The following ANO10 variants were observed in gnomAD, a reference collection of about 807,000 sequenced individuals.
ANO10 encodes anoctamin 10, also known as anoctamin-10.
Under a neutral mutation model 74.7 loss-of-function variants are expected in ANO10, and 77 were observed. The ratio of observed to expected loss-of-function variants is 1.03; its 90% confidence interval spans 0.86 to 1.25. The LOEUF (loss-of-function observed/expected upper bound fraction) is 1.25, where lower values mean the gene tolerates loss of function less well. Among genes scored for constraint, ANO10 ranks in the 50% most tolerant of loss-of-function variants. The pLI is 0.00. For missense variants in ANO10, 721 were observed against 778.1 expected, an observed-to-expected ratio of 0.93 and a Z score of 0.87; for synonymous variants, 279 against 284.9, an observed-to-expected ratio of 0.98 and a Z score of 0.21.
intron 12 of ANO10, among the ~76,000 whole-genome samples, chr3:43,389,971 G>A (rs1249016626): frequency 6.6e-6 from 1 of 152,184 alleles, no homozygotes; most frequent in Non-Finnish European, 1.5e-5. Flanking sequence ...GACTCAATGA[G>A]AGGACAACTC....
chr3:43,621,426 G>C (rs535103068), intron 1 of ANO10, among the ~76,000 whole-genome samples: 1 of 152,156 alleles, frequency 6.6e-6, no homozygotes, highest in South Asian at 2.1e-4. Flanking sequence ...AGACAGCCTA[G>C]TCCGCCCTGA....
chr3:43,538,314 C>A (rs1485767293), intron 11 of ANO10, among the ~76,000 whole-genome samples: 1 of 151,962 alleles, frequency 6.6e-6, no homozygotes, highest in Non-Finnish European at 1.5e-5. Context: ...AGCATTTTAA[C>A]TGAGGAAAAA....
intron 11 of ANO10, among the ~76,000 whole-genome samples, chr3:43,547,742 C>T (rs1172469897): frequency 6.6e-6 from 1 of 152,114 alleles, no homozygotes; most frequent in African/African-American, 2.4e-5. Flanking sequence ...ATTTATAGGC[C>T]AGTAAGTCTC....
At chr3:43,450,538 T>C (rs1406129058) in intron 11 of ANO10, among the ~76,000 whole-genome samples, 1 of 152,028 alleles carries the variant, frequency 6.6e-6, no homozygotes, top group Non-Finnish European at 1.5e-5. Context: ...TGAAATTCCA[T>C]CTCAAAAAAA....
intron 12 of ANO10, among the ~76,000 whole-genome samples, chr3:43,398,870 C>T (rs2092429758): frequency 1.3e-5 from 2 of 152,286 alleles, no homozygotes; most frequent in African/African-American, 2.4e-5. Context: ...ACTCTGCCAC[C>T]CAGGCTGGAG....
intron 11 of ANO10, among the ~76,000 whole-genome samples, chr3:43,454,739 C>T (rs1201931463): frequency 1.3e-5 from 2 of 151,772 alleles, no homozygotes; most frequent in Non-Finnish European, 2.9e-5. Context: ...CACCAGAGAC[C>T]TTCAGAAGTG....
At chr3:43,473,413 T>G (rs1207050481) in intron 11 of ANO10, among the ~76,000 whole-genome samples, 1 of 152,140 alleles carries the variant, frequency 6.6e-6, no homozygotes, top group Admixed American at 6.5e-5. Flanking sequence ...TTGCCTACCA[T>G]GATAAAGCTG....
rs116042170 is a variant in ANO10, at chr3:43,616,372, T to C, written c.-12+5537A>G. Among the ~76,000 whole-genome samples the C allele has an allele frequency of 8.8e-3, 1,345 of 152,332 alleles. 21 individuals are homozygous for C. The highest frequency in any genetic ancestry group is 0.03 in the African/African-American group (1,227 of 41,560). ...AAGACAACCTTTTGTTTTTTTCTTTTTGTGAACTTACCAGCCAATAAAGTC... is the reference window on the plus strand; with the variant it reads ...AAGACAACCTTTTGTTTTTTTCTTTCTGTGAACTTACCAGCCAATAAAGTC... On this transcript the variant is annotated intron_variant, in intron 1 of 12. Transcript: ENST00000292246.
At chr3:43,636,948 A>C (rs547439444) in intron 1 of ANO10, among the ~76,000 whole-genome samples, 1 of 152,118 alleles carries the variant, frequency 6.6e-6, no homozygotes, top group South Asian at 2.1e-4. Context: ...TGGATCCTTG[A>C]GCCCTGGAAT....
At chr3:43,634,904 G>T (rs1304879620) in intron 1 of ANO10, among the ~76,000 whole-genome samples, 1 of 152,144 alleles carries the variant, frequency 6.6e-6, no homozygotes, top group Non-Finnish European at 1.5e-5. Context: ...AGGAGATGTG[G>T]TCCTGTGGCA....
At chr3:43,486,741 G>C (rs1228275192) in intron 11 of ANO10, among the ~76,000 whole-genome samples, 4 of 151,774 alleles carry the variant, frequency 2.6e-5, no homozygotes, top group African/African-American at 9.7e-5. Flanking sequence ...CAATCATGTC[G>C]TCTGCAAACA....
intron 11 of ANO10, among the ~76,000 whole-genome samples, chr3:43,514,332 A>G (rs2077625987): frequency 6.6e-6 from 1 of 152,194 alleles, no homozygotes; most frequent in Non-Finnish European, 1.5e-5. Flanking sequence ...ACACAAATCA[A>G]CAAAAAGCTG....
At chr3:43,650,572 A>G (rs1316499029) in intron 1 of ANO10, among the ~76,000 whole-genome samples, 1 of 152,242 alleles carries the variant, frequency 6.6e-6, no homozygotes, top group Non-Finnish European at 1.5e-5. Flanking sequence ...ATAAGTTAGA[A>G]AAAACAACTT....
intron 1 of ANO10, among the ~76,000 whole-genome samples, chr3:43,680,117 T>C (rs960693461): frequency 3.3e-5 from 5 of 151,942 alleles, no homozygotes; most frequent in Non-Finnish European, 5.9e-5. Context: ...AGAAGAAGAC[T>C]TCAGATGATC....
chr3:43,515,745 T>C (rs944676305), intron 11 of ANO10, among the ~76,000 whole-genome samples: 18 of 152,288 alleles, frequency 1.2e-4, no homozygotes, highest in Admixed American at 1.1e-3. Flanking sequence ...CTAGAATCAA[T>C]GGACACAATC....
intron 7 of ANO10, among the ~76,000 whole-genome samples, chr3:43,568,234 T>G (rs1188082598): frequency 6.6e-6 from 1 of 152,138 alleles, no homozygotes; most frequent in African/African-American, 2.4e-5. Flanking sequence ...ACATTAATAA[T>G]GGGAGACTTT....
chr3:43,492,065 G>A (rs536139046), intron 11 of ANO10, among the ~76,000 whole-genome samples: 31 of 152,180 alleles, frequency 2.0e-4, no homozygotes, highest in African/African-American at 6.7e-4. Flanking sequence ...GGGAGAAACC[G>A]AGCAGAAAGG....
chr3:43,630,845 A>G (rs2083538518), intron 1 of ANO10, among the ~76,000 whole-genome samples: 1 of 151,986 alleles, frequency 6.6e-6, no homozygotes, highest in Non-Finnish European at 1.5e-5. Flanking sequence ...CTGTTCTTTC[A>G]TGGACTGCTT....
chr3:43,470,193 A>G (rs1357119465), intron 11 of ANO10, among the ~76,000 whole-genome samples: 1 of 152,236 alleles, frequency 6.6e-6, no homozygotes, highest in African/African-American at 2.4e-5. Flanking sequence ...ACATAGAGAA[A>G]TCTTAAATGG....
Sources: gnomAD v4.1 joint callset for allele counts (sites outside exome capture counted in the v4.1 genomes callset) on GRCh38, gnomAD v4.1.1 for gene constraint, MANE v1.5 for transcripts, NCBI Gene and HGNC (gene_info 2026-07-23, HGNC 2026-07-21) for gene names.